OOSP3: variants seen among roughly 807,000 people sequenced by gnomAD.
The protein encoded by OOSP3 is oocyte secreted protein family member 3.
chr11:59,894,632 G>C (rs534726702), intron 3 of OOSP3, among the ~76,000 whole-genome samples: 1 of 152,144 alleles, frequency 6.6e-6, no homozygotes, highest in Admixed American at 6.5e-5. Flanking sequence ...TACCTTCTAT[G>C]TCCTGCTTTT....
At chr11:59,880,327 A>G in exon 2 of OOSP3, 1 of 398,552 alleles carries the variant, frequency 2.5e-6, no homozygotes, top group Non-Finnish European at 4.4e-6. Flanking sequence ...GGTCAAGATC[A>G]TATTTTGCAT....
rs1853347346 is a variant in OOSP3, at chr11:59,895,488, TTTAAAAC to T, written c.351-11_351-5del. 1 of 398,246 alleles carries T rather than the reference TTTAAAAC, an allele frequency of 2.5e-6. No homozygotes were observed. Among genetic ancestry groups the T allele is most frequent in the African/African-American group, 2.1e-5 (1 of 48,634 alleles). The allele number at this position is 398,246 out of a possible 1,614,324, so 24.7% of individuals were successfully genotyped here. On this transcript the variant is annotated splice_region_variant and splice_polypyrimidine_tract_variant and intron_variant, in intron 3 of 4. Transcript: ENST00000646438. ...AATCTGATGTGCAAATTGTGTCTTC[TTTAAAAC>T]TTTCAGCTCATCTTTGGATACCACT...
chr11:59,885,752 G>A (rs770558618), intron 2 of OOSP3, among the ~76,000 whole-genome samples: 5 of 151,986 alleles, frequency 3.3e-5, no homozygotes, highest in African/African-American at 9.7e-5. Flanking sequence ...GTTTTTTTAC[G>A]TACATTCATA....
At chr11:59,883,236 A>G (rs1471140302) in intron 2 of OOSP3, among the ~76,000 whole-genome samples, 2 of 152,228 alleles carry the variant, frequency 1.3e-5, no homozygotes, top group Non-Finnish European at 2.9e-5. Context: ...TCCTGGGAAC[A>G]ACTCTTTATT....
chr11:59,884,173 AC>A (rs1319286524), intron 2 of OOSP3, among the ~76,000 whole-genome samples: 1 of 152,250 alleles, frequency 6.6e-6, no homozygotes, highest in African/African-American at 2.4e-5. Flanking sequence ...AGTTATTTAA[AC>A]AAATATATGT....
chr11:59,895,645 ACTC>A (rs1208886280), exon 4 of OOSP3: 1 of 398,054 alleles, frequency 2.5e-6, no homozygotes, highest in Non-Finnish European at 4.4e-6. Flanking sequence ...TATTTTCAAA[ACTC>A]CTCGGTGAGG....
chr11:59,881,689 C>T (rs1565218402), intron 2 of OOSP3, among the ~76,000 whole-genome samples: 1 of 152,116 alleles, frequency 6.6e-6, no homozygotes, highest in Non-Finnish European at 1.5e-5. Flanking sequence ...ACCAGCCTGG[C>T]CAACATGGCA....
At chr11:59,896,426 A>G (rs964110862) in exon 5 of OOSP3, 9 of 347,092 alleles carry the variant, frequency 2.6e-5, no homozygotes, top group Non-Finnish European at 4.6e-5. Flanking sequence ...TACAATGTCT[A>G]TGTATAATTT....
intron 2 of OOSP3, among the ~76,000 whole-genome samples, chr11:59,881,448 C>A (rs1853200599): frequency 6.6e-6 from 1 of 150,966 alleles, no homozygotes; most frequent in Non-Finnish European, 1.5e-5. Context: ...TTTTGTTTTT[C>A]TCTGGTTTTA....
At chr11:59,880,400 G>C in exon 2 of OOSP3, 1 of 398,538 alleles carries the variant, frequency 2.5e-6, no homozygotes, top group Non-Finnish European at 4.4e-6. Flanking sequence ...AGGGATATGA[G>C]TTTAATTACC....
At chr11:59,884,251 C>T (rs1299556378) in intron 2 of OOSP3, among the ~76,000 whole-genome samples, 1 of 152,240 alleles carries the variant, frequency 6.6e-6, no homozygotes, top group Non-Finnish European at 1.5e-5. Flanking sequence ...GCTGCAGCTG[C>T]TGCCAGGATC....
intron 1 of OOSP3, among the ~76,000 whole-genome samples, chr11:59,879,647 C>A (rs1565218078): frequency 6.6e-6 from 1 of 152,076 alleles, no homozygotes. Flanking sequence ...TGTTGTAACA[C>A]CACAGCTGTG....
rs576790350 is a variant in OOSP3, at chr11:59,894,247, A to T, written c.350+71A>T. The T allele has an allele frequency of 1.8e-5, 7 of 397,578 alleles. No homozygotes were observed. The Admixed American group carries it at 3.1e-4, about 17-fold the overall frequency. The allele number at this position is 397,578 out of a possible 1,614,324, so 24.6% of individuals were successfully genotyped here. On this transcript the variant is annotated intron_variant, in intron 3 of 4. Transcript: ENST00000646438. ...TAATGAAAAGGAAAACATTTGGAATATGAAGCTTTACATCATTAGAACCCT... is the reference window on the plus strand; with the variant it reads ...TAATGAAAAGGAAAACATTTGGAATTTGAAGCTTTACATCATTAGAACCCT...
At chr11:59,878,973 T>C (rs1853177386) in intron 1 of OOSP3, 92 bp downstream of exon 1, 1 of 397,540 alleles carries the variant, frequency 2.5e-6, no homozygotes, top group Admixed American at 4.4e-5. Flanking sequence ...TGGAAGTGAC[T>C]TTCCAGTATA....
chr11:59,894,532 T>C (rs1340805586), intron 3 of OOSP3, among the ~76,000 whole-genome samples: 1 of 152,210 alleles, frequency 6.6e-6, no homozygotes, highest in Non-Finnish European at 1.5e-5. Context: ...GGGATAAACT[T>C]GGAGGCAGGA....
intron 2 of OOSP3, among the ~76,000 whole-genome samples, chr11:59,887,120 TG>T (rs201351257): frequency 3.8e-4 from 57 of 150,958 alleles, no homozygotes; most frequent in African/African-American, 1.2e-3. Flanking sequence ...GTTTTTTTTT[TG>T]TTGTTTTTTT....
At chr11:59,887,583 G>A (rs1402948689) in intron 2 of OOSP3, among the ~76,000 whole-genome samples, 1 of 152,072 alleles carries the variant, frequency 6.6e-6, no homozygotes, top group Non-Finnish European at 1.5e-5. Flanking sequence ...TTTTTGTCAG[G>A]TTTGTCAAAG....
chr11:59,882,264 AT>A (rs200835564), intron 2 of OOSP3, among the ~76,000 whole-genome samples: 51,145 of 149,614 alleles, frequency 0.34, 9,206 homozygotes, highest in African/African-American at 0.47. Flanking sequence ...TCTTTTGAAG[AT>A]TTTTTTTTTT....
intron 2 of OOSP3, among the ~76,000 whole-genome samples, chr11:59,884,410 G>A (rs1176999510): frequency 4.0e-5 from 6 of 149,424 alleles, no homozygotes; most frequent in Non-Finnish European, 8.9e-5. Flanking sequence ...TTTTTTGGGT[G>A]GATCTCTTAT....
Sources: allele counts gnomAD v4.1 joint callset (sites outside exome capture counted in the v4.1 genomes callset), GRCh38; gene constraint gnomAD v4.1.1; transcripts MANE v1.5; gene names NCBI Gene and HGNC (gene_info 2026-07-23, HGNC 2026-07-21).